The following PRR5 variants were observed in gnomAD, a reference collection of about 807,000 sequenced individuals.
PRR5 encodes the protein proline rich 5.
A neutral mutation model predicts 30.6 loss-of-function variants in PRR5; 25 were observed. That is an observed-to-expected ratio of 0.82 (90% CI 0.60 to 1.14). PRR5 has a LOEUF of 1.14. Ranked by LOEUF, PRR5 falls within the 50% of genes most tolerant of loss-of-function variation. The probability of loss-of-function intolerance (pLI) is 0.00; values close to 1 mark genes in which losing one functional copy is unlikely to be tolerated. For missense variants in PRR5, 600 were observed against 547.1 expected (o/e 1.10, Z -0.96); for synonymous variants, 286 against 247.1 (o/e 1.16, Z -1.48).
Position 44,731,837 on chromosome 22 carries a change from C to T in PRR5, c.414+16C>T, listed in dbSNP as rs956194593. The T allele has an allele frequency of 2.5e-5, 41 of 1,609,988 alleles. No homozygotes were observed. Among genetic ancestry groups the T allele is most frequent in the Non-Finnish European group, 3.5e-5 (41 of 1,179,076 alleles). ...CCCGGTGCAGGTGGGCAGCCCAGCC[C>T]TGGGGAGGGAAGCCCAGTGCCCCTG... On this transcript the variant is annotated intron_variant, in intron 5 of 7. Transcript: ENST00000336985.
chr22:44,700,045 G>C (rs1926116396), upstream of PRR5, among the ~76,000 whole-genome samples: 2 of 152,146 alleles, frequency 1.3e-5, no homozygotes, highest in African/African-American at 4.8e-5. Flanking sequence ...GCTAGGCACA[G>C]TAGTTCATGC....
chr22:44,721,689 C>G (rs1929957053), intron 2 of PRR5, among the ~76,000 whole-genome samples: 1 of 152,196 alleles, frequency 6.6e-6, no homozygotes, highest in Non-Finnish European at 1.5e-5. Context: ...CCAGACCCTA[C>G]TCTCCTGCCT....
chr22:44,715,255 A>G (rs1928885002), intron 2 of PRR5, among the ~76,000 whole-genome samples: 1 of 152,126 alleles, frequency 6.6e-6, no homozygotes, highest in Admixed American at 6.5e-5. Flanking sequence ...AAGCTCAGAG[A>G]GGTCAAGTGA....
chr22:44,736,623 G>T, intron 7 of PRR5, 149 bp from the exon 8 acceptor site: 1 of 1,348,000 alleles, frequency 7.4e-7, no homozygotes, highest in Non-Finnish European at 9.8e-7. Context: ...CAGGGCTTGT[G>T]GCGGTGGGAC....
chr22:44,681,188 A>G (rs1185388979), intron 1 of PRR5, among the ~76,000 whole-genome samples: 1 of 152,176 alleles, frequency 6.6e-6, no homozygotes, highest in Non-Finnish European at 1.5e-5. Flanking sequence ...CATGCCTGCC[A>G]CATAGTAGGA....
At chr22:44,732,894 CGT>C (rs1314920824) in intron 6 of PRR5, among the ~76,000 whole-genome samples, 1 of 148,176 alleles carries the variant, frequency 6.7e-6, no homozygotes, top group East Asian at 2.0e-4. Context: ...ACACCACACA[CGT>C]GCACACGCAT....
chr22:44,712,660 T>C (rs1003775098), intron 1 of PRR5, among the ~76,000 whole-genome samples: 1 of 152,160 alleles, frequency 6.6e-6, no homozygotes, highest in Non-Finnish European at 1.5e-5. Flanking sequence ...TTAAAGCAGA[T>C]GAGGACGTTA....
chr22:44,677,335 G>A (rs1923852813), intron 1 of PRR5: 1 of 152,470 alleles, frequency 6.6e-6, no homozygotes, highest in African/African-American at 2.4e-5. Flanking sequence ...CGGCCGAGCA[G>A]AGGTTTGGCC....
Position 44,710,817 on chromosome 22 carries a change from G to A in PRR5, c.135-3774G>A, listed in dbSNP as rs80212783. 2.5e-3 allele frequency among the ~76,000 whole-genome samples: 384 copies of A among 152,300 alleles called. 2 individuals carry two copies. Among genetic ancestry groups the A allele is most frequent in the African/African-American group, 9.0e-3 (375 of 41,564 alleles). Reference sequence around the variant, plus strand: ...AGAAGCCACAGAGTAGGTGGGCCCAGGCTGGGTGTGGCCAAGGTGTGGTAG... The same window carrying A: ...AGAAGCCACAGAGTAGGTGGGCCCAAGCTGGGTGTGGCCAAGGTGTGGTAG... On this transcript the variant is annotated intron_variant, in intron 1 of 7. Coordinates refer to ENST00000336985, the MANE Select transcript of PRR5 (RefSeq NM_181333.4).
At chr22:44,679,994 C>A in intron 1 of PRR5, 2 of 1,013,818 alleles carry the variant, frequency 2.0e-6, no homozygotes, top group Non-Finnish European at 2.9e-6. Flanking sequence ...GAGAGACCCA[C>A]GGGGAATGAG....
intron 1 of PRR5, among the ~76,000 whole-genome samples, chr22:44,670,271 G>T (rs1322192469): frequency 6.6e-6 from 1 of 152,342 alleles, no homozygotes; most frequent in South Asian, 2.1e-4. Flanking sequence ...GTCAGAGGAG[G>T]TTATGGCCTC....
chr22:44,676,426 A>AGAG (rs1310772280), upstream of PRR5, among the ~76,000 whole-genome samples: 1 of 148,030 alleles, frequency 6.8e-6, no homozygotes, highest in African/African-American at 2.6e-5. Context: ...GAAAGAAAGA[A>AGAG]AAGAGAAGAG....
rs141233687 is a variant in PRR5 at position 44,724,865 on chromosome 22, G to T, written c.216-379G>T. ...CTGCAGGCGGAGAGAGGAGGAGCCC[G>T]TGGCATCCGGGATTTGGACAGGTGG... is the stretch of plus-strand genomic sequence containing the variant. On this transcript the variant is annotated intron_variant, in intron 2 of 7. Coordinates refer to ENST00000336985, the MANE Select transcript of PRR5 (RefSeq NM_181333.4). Among the ~76,000 whole-genome samples the T allele has an allele frequency of 1.1e-4, 16 of 152,350 alleles. No homozygotes were observed. In the East Asian group the frequency reaches 3.1e-3, roughly 29 times the overall value.
upstream of PRR5, among the ~76,000 whole-genome samples, chr22:44,700,848 C>A (rs1469388367): frequency 6.6e-6 from 1 of 152,160 alleles, no homozygotes; most frequent in Non-Finnish European, 1.5e-5. Flanking sequence ...AAAGACTCTT[C>A]ATGAGGCTCT....
At chr22:44,702,179 T>C (rs866996203), upstream of PRR5, 504 of 841,788 alleles carry the variant, frequency 6.0e-4, 1 homozygote, top group African/African-American at 9.0e-3. Flanking sequence ...GACCCGCCCC[T>C]GGGCCCGCCC....
intron 2 of PRR5, among the ~76,000 whole-genome samples, chr22:44,722,637 G>A (rs960919889): frequency 3.3e-5 from 5 of 152,182 alleles, no homozygotes; most frequent in African/African-American, 1.2e-4. Context: ...CCCCAAAAGG[G>A]CCTCTGAGGA....
intron 1 of PRR5, among the ~76,000 whole-genome samples, chr22:44,712,540 A>C (rs559422650): frequency 9.2e-5 from 14 of 152,308 alleles, no homozygotes; most frequent in African/African-American, 3.1e-4. Flanking sequence ...TCAGGTGCAC[A>C]GGGGCCCAAG....
At chr22:44,702,756 G>T in intron 1 of PRR5, 148 bp downstream of exon 1, 1 of 1,168,344 alleles carries the variant, frequency 8.6e-7, no homozygotes, top group South Asian at 4.1e-5. Context: ...TTGCCCCGCC[G>T]GAGTGGTGCG....
At chr22:44,672,299 A>G (rs574834417), upstream of PRR5, among the ~76,000 whole-genome samples, 13 of 152,294 alleles carry the variant, frequency 8.5e-5, no homozygotes, top group African/African-American at 3.1e-4. Flanking sequence ...AAAGATGTCA[A>G]GATGGCCGGG....
Sources: allele counts gnomAD v4.1 joint callset (sites outside exome capture counted in the v4.1 genomes callset), GRCh38; gene constraint gnomAD v4.1.1; transcripts MANE v1.5; gene names NCBI Gene and HGNC (gene_info 2026-07-23, HGNC 2026-07-21).